Variants in XKR6 observed in about 807,000 individuals in gnomAD.
XKR6 encodes the protein XK related 6, also known as XK-related protein 6.
A neutral mutation model predicts 56.7 loss-of-function variants in XKR6; 22 were observed. That is an observed-to-expected ratio of 0.39 (90% CI 0.28 to 0.55). XKR6 has a LOEUF of 0.55. XKR6 is among the 20% of genes least tolerant of loss of function. The pLI is 0.66. For synonymous variants in XKR6, 524 were observed against 387.8 expected (o/e 1.35, Z -4.13); for missense variants, 852 against 889.0 (o/e 0.96, Z 0.53).
chr8:11,143,590 G>A (rs1800817416), intron 1 of XKR6, among the ~76,000 whole-genome samples: 1 of 152,164 alleles, frequency 6.6e-6, no homozygotes, highest in South Asian at 2.1e-4. Context: ...ATTATTTAGT[G>A]TCTAGAAATG....
At chr8:11,015,073 C>G (rs1022893723) in intron 1 of XKR6, among the ~76,000 whole-genome samples, 2 of 152,172 alleles carry the variant, frequency 1.3e-5, no homozygotes, top group Non-Finnish European at 2.9e-5. Context: ...ACAGACAAAA[C>G]TCATCTACGA....
chr8:10,928,143 GA>G (rs1800951514), intron 1 of XKR6, among the ~76,000 whole-genome samples: 2 of 152,204 alleles, frequency 1.3e-5, no homozygotes, highest in Admixed American at 6.5e-5. Flanking sequence ...CTTTATAGTG[GA>G]GGGCCCAGGT....
chr8:11,101,990 A>T (rs190904109), intron 1 of XKR6, among the ~76,000 whole-genome samples: 2 of 152,232 alleles, frequency 1.3e-5, no homozygotes, highest in Admixed American at 1.3e-4. Context: ...GAGAAAGAGG[A>T]ATGACAGCGG....
At chr8:10,998,918 C>G (rs1418462158) in intron 1 of XKR6, among the ~76,000 whole-genome samples, 12 of 152,176 alleles carry the variant, frequency 7.9e-5, no homozygotes, top group Non-Finnish European at 7.3e-5. Context: ...AAACAGCTGT[C>G]GACCAACTGT....
chr8:11,121,298 G>A (rs143220446), intron 1 of XKR6, among the ~76,000 whole-genome samples: 3,390 of 152,040 alleles, frequency 0.022, 152 homozygotes, highest in African/African-American at 0.075. Context: ...TCTGACAAAC[G>A]GCTAATATCC....
intron 1 of XKR6, among the ~76,000 whole-genome samples, chr8:11,031,023 C>T (rs895539795): frequency 1.3e-5 from 2 of 152,208 alleles, no homozygotes; most frequent in East Asian, 1.9e-4. Context: ...CACCTACTGG[C>T]TCTCTCCTGG....
At chr8:10,902,038 GT>G (rs1280426963) in intron 2 of XKR6, among the ~76,000 whole-genome samples, 1 of 152,188 alleles carries the variant, frequency 6.6e-6, no homozygotes, top group African/African-American at 2.4e-5. Flanking sequence ...TTGAAGGCGG[GT>G]GTTCTGTTCC....
intron 1 of XKR6, among the ~76,000 whole-genome samples, chr8:11,144,105 T>C (rs1800852584): frequency 6.6e-6 from 1 of 152,030 alleles, no homozygotes. Context: ...GGTCCAAACA[T>C]AGTCATACTG....
intron 1 of XKR6, among the ~76,000 whole-genome samples, chr8:11,092,597 C>A (rs1028287214): frequency 1.3e-5 from 2 of 152,084 alleles, no homozygotes; most frequent in South Asian, 2.1e-4. Context: ...ATCTCACGTT[C>A]GTAGGGAGCT....
chr8:10,976,200 C>A (rs947056569), intron 1 of XKR6, among the ~76,000 whole-genome samples: 3 of 151,994 alleles, frequency 2.0e-5, no homozygotes, highest in Non-Finnish European at 2.9e-5. Flanking sequence ...GTGCCCCCCC[C>A]CAACCTCGCC....
intron 1 of XKR6, among the ~76,000 whole-genome samples, chr8:10,946,196 C>T (rs1379030474): frequency 5.9e-5 from 9 of 152,096 alleles, no homozygotes; most frequent in Admixed American, 4.6e-4. Flanking sequence ...TATTTGCACA[C>T]AGGTTGCCCA....
At chr8:11,097,807 CAA>C (rs1196874380) in intron 1 of XKR6, among the ~76,000 whole-genome samples, 1,187 of 62,882 alleles carry the variant, frequency 0.019, 11 homozygotes, top group African/African-American at 0.061. Flanking sequence ...GACTCCATCT[CAA>C]AAAAAAAAAA....
chr8:11,054,307 T>A (rs1449519338), intron 1 of XKR6, among the ~76,000 whole-genome samples: 1 of 152,170 alleles, frequency 6.6e-6, no homozygotes, highest in Non-Finnish European at 1.5e-5. Flanking sequence ...CACAGTAAGT[T>A]TGTCCTAACT....
rs903740691 is a variant in XKR6, at chr8:11,200,731, G to A, written c.609C>T (p.Gly203=). The A allele has an allele frequency of 1.3e-5, 20 of 1,590,974 alleles. No individual in the cohort carries two copies. The highest frequency in any genetic ancestry group is 1.5e-5 in the Non-Finnish European group (17 of 1,172,084). The change falls in exon 1 of 3, where the codon GGC becomes GGT. Residue 203 remains glycine (G), a synonymous_variant. Coordinates refer to ENST00000416569, the MANE Select transcript of XKR6 (RefSeq NM_173683.4). The surrounding 1 kb of genome is among the most constrained non-coding windows in gnomAD (Gnocchi z 6.4). The part of the protein sequence containing the change: ...LGAVEGLTSR[G]PPMMGAGYVH... ...CGTAGCCGGCCCCCATCATGGGGGG[G>A]CCCCGGCTGGTGAGCCCCTCCACGG...
rs150621374 is a variant in XKR6, at chr8:10,970,799, G to A, written c.765-45969C>T. On this transcript the variant is annotated intron_variant, in intron 1 of 2. Coordinates refer to ENST00000416569, the MANE Select transcript of XKR6 (RefSeq NM_173683.4). The stretch of plus-strand genomic sequence containing the variant: ...TTTTATAAAGGAGCAAAATGAAAAG[G>A]ATCCTTAAAAAAAAAAAAAAAAACC... Among the ~76,000 whole-genome samples, 783 of 135,210 alleles carry A rather than the reference G, an allele frequency of 5.8e-3. 5 individuals carry two copies. The highest frequency in any genetic ancestry group is 0.015 in the Middle Eastern group (4 of 272). 88.7% of individuals were successfully genotyped at this position (135,210 alleles called of 152,430 possible).
intron 1 of XKR6, among the ~76,000 whole-genome samples, chr8:11,088,289 C>T (rs889726809): frequency 1.3e-5 from 2 of 152,194 alleles, no homozygotes; most frequent in African/African-American, 4.8e-5. Flanking sequence ...CCCAATCTGA[C>T]ATAAAATGAT....
chr8:10,952,581 G>A (rs745825298), intron 1 of XKR6, among the ~76,000 whole-genome samples: 20 of 152,218 alleles, frequency 1.3e-4, no homozygotes, highest in Admixed American at 2.0e-4. Context: ...AGCCTCCCCC[G>A]TACCTGGGAC....
At chr8:10,986,521 T>TA (rs1324512638) in intron 1 of XKR6, among the ~76,000 whole-genome samples, 4 of 152,138 alleles carry the variant, frequency 2.6e-5, no homozygotes, top group African/African-American at 9.6e-5. Context: ...ATTTTTTTCT[T>TA]ACAAAAGATG....
In XKR6 at chr8:10,924,790, G is replaced by C; in HGVS notation, c.805C>G (p.Arg269Gly). The change falls in exon 2 of 3, where the codon CGG (arginine) becomes GGG (glycine). Residue 269 changes from arginine (R) to glycine (G), a missense_variant. Transcript: ENST00000416569. ...TMYLGIQSQR[R>G]KEHQRRFYWA... ...TAGAAGCGTCGCTGGTGTTCCTTCC[G>C]CCGCTGGCTCTGAATCCCCAGGTAC... The C allele has an allele frequency of 6.2e-7, 1 of 1,613,978 alleles. No homozygotes were observed. Among genetic ancestry groups the C allele is most frequent in the Non-Finnish European group, 8.5e-7 (1 of 1,179,960 alleles).
Sources: gnomAD v4.1 joint callset for allele counts (sites outside exome capture counted in the v4.1 genomes callset) on GRCh38, gnomAD v4.1.1 for gene constraint, Gnocchi (gnomAD v3.1) non-coding constraint, MANE v1.5 for transcripts, NCBI Gene and HGNC (gene_info 2026-07-23, HGNC 2026-07-21) for gene names.